The following ZBTB16 variants were observed in gnomAD, a reference collection of about 807,000 sequenced individuals.
ZBTB16 encodes the protein zinc finger and BTB domain-containing protein 16.
Under a neutral mutation model 56.8 loss-of-function variants are expected in ZBTB16, and 8 were observed. The ratio of observed to expected loss-of-function variants is 0.14; its 90% CI spans 0.08 to 0.25. The LOEUF (loss-of-function observed/expected upper bound fraction) is 0.25, where lower values mean the gene tolerates loss of function less well. ZBTB16 is among the 10% of genes least tolerant of loss of function. The pLI, the probability that ZBTB16 is intolerant of heterozygous loss-of-function variation, is 1.00. For synonymous variants in ZBTB16, 363 were observed against 368.5 expected, an observed-to-expected ratio of 0.98 and a Z score of 0.17; for missense variants, 625 against 903.0, an observed-to-expected ratio of 0.69 and a Z score of 3.95.
At chr11:114,146,574 C>T (rs1481852608) in intron 2 of ZBTB16, among the ~76,000 whole-genome samples, 1 of 152,070 alleles carries the variant, frequency 6.6e-6, no homozygotes, top group African/African-American at 2.4e-5. Flanking sequence ...GGGCTAGGCA[C>T]GGTGGCTCAT....
At chr11:114,159,944 G>A (rs1438373547) in intron 3 of ZBTB16, among the ~76,000 whole-genome samples, 1 of 147,100 alleles carries the variant, frequency 6.8e-6, no homozygotes, top group Non-Finnish European at 1.5e-5. Context: ...AGGCGGGGGG[G>A]AGGCGAGCAT....
At chr11:114,224,838 C>G (rs1944298235) in intron 4 of ZBTB16, among the ~76,000 whole-genome samples, 1 of 152,182 alleles carries the variant, frequency 6.6e-6, no homozygotes, top group African/African-American at 2.4e-5. Context: ...GAGAAGTCCC[C>G]TAAGAGGCAG....
intron 2 of ZBTB16, among the ~76,000 whole-genome samples, chr11:114,074,664 C>T (rs1042287877): frequency 9.8e-5 from 15 of 152,374 alleles, no homozygotes; most frequent in African/African-American, 3.6e-4. Flanking sequence ...CCAGTGCTCT[C>T]CTCCTGCGTG....
intron 4 of ZBTB16, among the ~76,000 whole-genome samples, chr11:114,204,174 G>C (rs1287780463): frequency 1.4e-5 from 2 of 144,222 alleles, no homozygotes; most frequent in Non-Finnish European, 1.5e-5. Flanking sequence ...TTTTTTCTGA[G>C]ACACAGTCTT....
intron 2 of ZBTB16, among the ~76,000 whole-genome samples, chr11:114,102,813 G>A (rs923051015): frequency 6.6e-6 from 1 of 152,112 alleles, no homozygotes; most frequent in South Asian, 2.1e-4. Context: ...AGAGCTTTTT[G>A]TGTGGCTTTC....
chr11:114,115,501 A>G (rs1165969033), intron 2 of ZBTB16, among the ~76,000 whole-genome samples: 1 of 151,898 alleles, frequency 6.6e-6, no homozygotes, highest in African/African-American at 2.4e-5. Context: ...CCAAGGAGAG[A>G]GATGGGTCCC....
chr11:114,127,232 T>C (rs572909086), intron 2 of ZBTB16, among the ~76,000 whole-genome samples: 1 of 152,292 alleles, frequency 6.6e-6, no homozygotes, highest in African/African-American at 2.4e-5. Flanking sequence ...GTGCAGCTTC[T>C]CTCATGAGAA....
At chr11:114,100,389 G>A (rs373680219) in intron 2 of ZBTB16, among the ~76,000 whole-genome samples, 24 of 152,290 alleles carry the variant, frequency 1.6e-4, no homozygotes, top group East Asian at 9.7e-4. Context: ...TTGAAAGGCT[G>A]TGTTGTGATC....
chr11:114,118,702 T>C (rs1941251085), intron 2 of ZBTB16, among the ~76,000 whole-genome samples: 1 of 152,126 alleles, frequency 6.6e-6, no homozygotes, highest in Admixed American at 6.5e-5. Flanking sequence ...AACCAGGGCT[T>C]TCTGCTTCAT....
At chr11:114,226,126 G>T (rs1312150831) in intron 4 of ZBTB16, among the ~76,000 whole-genome samples, 1 of 152,128 alleles carries the variant, frequency 6.6e-6, no homozygotes, top group Non-Finnish European at 1.5e-5. Context: ...TAGCCTCAGG[G>T]TTTGATTCCT....
In ZBTB16 at chr11:114,186,021, T is replaced by C. The variant is rs114220699; in HGVS notation, c.1367-931T>C. Among the ~76,000 whole-genome samples the C allele has an allele frequency of 4.7e-3, 720 of 152,236 alleles. 2 individuals are homozygous for C. Among genetic ancestry groups the C allele is most frequent in the African/African-American group, 0.016 (677 of 41,538 alleles). On this transcript the variant is annotated intron_variant, in intron 3 of 6. Coordinates refer to ENST00000335953, the MANE Select transcript of ZBTB16 (RefSeq NM_006006.6). ...GACACAGTCCCTCCTCCAGGGAGCT[T>C]ACGGTGTGGTGAGAGAGAAAGACAG... is the stretch of plus-strand genomic sequence containing the variant.
intron 4 of ZBTB16, among the ~76,000 whole-genome samples, chr11:114,191,609 G>A (rs1197011512): frequency 6.6e-6 from 1 of 152,218 alleles, no homozygotes; most frequent in Non-Finnish European, 1.5e-5. Context: ...CATTGACTGA[G>A]TGTTGTCCGT....
intron 2 of ZBTB16, among the ~76,000 whole-genome samples, chr11:114,106,693 T>G (rs181556676): frequency 5.7e-4 from 87 of 152,190 alleles, no homozygotes; most frequent in Non-Finnish European, 1.0e-3. Flanking sequence ...AGGCTGATCT[T>G]AAACTCCTGA....
intron 3 of ZBTB16, among the ~76,000 whole-genome samples, chr11:114,169,585 G>A (rs1006265356): frequency 6.6e-6 from 1 of 152,200 alleles, no homozygotes; most frequent in Non-Finnish European, 1.5e-5. Context: ...GGCCAGTGGT[G>A]TGCAAAGCTT....
At chr11:114,173,840 T>C (rs1424625274) in intron 3 of ZBTB16, among the ~76,000 whole-genome samples, 3 of 152,212 alleles carry the variant, frequency 2.0e-5, no homozygotes, top group African/African-American at 7.2e-5. Context: ...TTCATCAATG[T>C]GAGAGTCCAT....
chr11:114,085,218 A>T (rs1672712), intron 2 of ZBTB16, among the ~76,000 whole-genome samples: 1 of 151,960 alleles, frequency 6.6e-6, no homozygotes, highest in South Asian at 2.1e-4. Flanking sequence ...GTTCAATGAA[A>T]CTCTATTTAT....
At position 114,241,767 on chromosome 11, in the gene ZBTB16, G is replaced by A. The variant is rs534850819; in HGVS notation, c.1454-400G>A. ...ATGTTAGAACAATGGCTGGCCCATA[G>A]TATCTTTGTTATTGTTTTTTCTCGC... is the stretch of plus-strand genomic sequence containing the variant. On this transcript the variant is annotated intron_variant, in intron 4 of 6. Coordinates refer to ENST00000335953, the MANE Select transcript of ZBTB16 (RefSeq NM_006006.6). 4.1e-4 allele frequency among the ~76,000 whole-genome samples: 63 copies of A among 152,254 alleles called. 2 individuals carry two copies. In the South Asian group the frequency reaches 0.013, roughly 32 times the overall value.
chr11:114,174,966 A>C (rs1591751119), intron 3 of ZBTB16, among the ~76,000 whole-genome samples: 1 of 152,210 alleles, frequency 6.6e-6, no homozygotes. Flanking sequence ...CCTGGGCTGG[A>C]TGTTGACAGA....
At chr11:114,134,384 G>A (rs927425038) in intron 2 of ZBTB16, among the ~76,000 whole-genome samples, 2 of 151,774 alleles carry the variant, frequency 1.3e-5, no homozygotes, top group African/African-American at 4.8e-5. Flanking sequence ...GTACTTTTTG[G>A]TATCCAAACT....
Sources: allele counts gnomAD v4.1 joint callset (sites outside exome capture counted in the v4.1 genomes callset), GRCh38; gene constraint gnomAD v4.1.1; transcripts MANE v1.5; gene names NCBI Gene and HGNC (gene_info 2026-07-23, HGNC 2026-07-21).